DPP6: variants seen among roughly 807,000 people sequenced by gnomAD.
DPP6 encodes the protein dipeptidyl peptidase like 6.
A neutral mutation model predicts 122.6 loss-of-function variants in DPP6; 69 were observed. The observed-to-expected ratio is 0.56, with a 90% CI of 0.46 to 0.69. The LOEUF (loss-of-function observed/expected upper bound fraction) is 0.69, where lower values mean the gene tolerates loss of function less well. Ranked by LOEUF, DPP6 falls within the 30% of genes least tolerant of loss-of-function variation. The probability of loss-of-function intolerance (pLI) is 0.00; values close to 1 mark genes in which losing one functional copy is unlikely to be tolerated. For missense variants in DPP6, 928 were observed against 1,116.9 expected (o/e 0.83, Z 2.41); for synonymous variants, 418 against 433.1 (o/e 0.97, Z 0.43).
chr7:154,312,412 C>T (rs919826327), intron 1 of DPP6, among the ~76,000 whole-genome samples: 8 of 150,632 alleles, frequency 5.3e-5, no homozygotes, highest in South Asian at 2.1e-4. Context: ...AGTCTTGCTC[C>T]GCAAATTTTT....
chr7:154,337,467 A>G (rs1466313267), intron 1 of DPP6, among the ~76,000 whole-genome samples: 1 of 152,148 alleles, frequency 6.6e-6, no homozygotes, highest in Non-Finnish European at 1.5e-5. Flanking sequence ...AAAACGTCTA[A>G]AATCTCGAGT....
At chr7:154,017,727 TAAA>T (rs61261080) in intron 1 of DPP6, among the ~76,000 whole-genome samples, 12 of 109,458 alleles carry the variant, frequency 1.1e-4, no homozygotes, top group Admixed American at 5.2e-4. Context: ...AATAAAAAAA[TAAA>T]AAAAAAAAAA....
chr7:153,879,009 A>AT, the DPP6 span, among the ~76,000 whole-genome samples: 6 of 151,842 alleles, frequency 4.0e-5, no homozygotes, highest in Non-Finnish European at 8.8e-5. Flanking sequence ...AAAGAAAAAA[A>AT]ATGAAGCTGG....
chr7:154,151,773 A>G (rs560887861), intron 1 of DPP6, among the ~76,000 whole-genome samples: 191 of 151,532 alleles, frequency 1.3e-3, no homozygotes, highest in African/African-American at 4.4e-3. Flanking sequence ...CCCTCCTCCT[A>G]TTAACATCAT....
intron 3 of DPP6, among the ~76,000 whole-genome samples, chr7:154,510,861 T>C (rs1826012373): frequency 1.3e-5 from 2 of 151,966 alleles, no homozygotes; most frequent in Admixed American, 6.6e-5. Context: ...TGATAAAGCA[T>C]GTGCTTGCTC....
intron 1 of DPP6, among the ~76,000 whole-genome samples, chr7:154,356,702 A>G (rs532287787): frequency 6.6e-6 from 1 of 152,352 alleles, no homozygotes; most frequent in East Asian, 1.9e-4. Flanking sequence ...CAACTTTTAA[A>G]ACAAAATAAT....
At chr7:153,884,983 C>CAA (rs1399961557), upstream of DPP6, among the ~76,000 whole-genome samples, 1 of 63,426 alleles carries the variant, frequency 1.6e-5, no homozygotes. Flanking sequence ...CGTCTCAAAA[C>CAA]AAAAATATAT....
intron 1 of DPP6, among the ~76,000 whole-genome samples, chr7:154,340,273 A>T (rs1211534782): frequency 6.6e-6 from 1 of 152,232 alleles, no homozygotes; most frequent in Non-Finnish European, 1.5e-5. Context: ...CCTACTTTAC[A>T]ATCACGAATG....
chr7:154,520,085 A>G (rs1315478918), intron 3 of DPP6, among the ~76,000 whole-genome samples: 2 of 152,230 alleles, frequency 1.3e-5, no homozygotes, highest in South Asian at 2.1e-4. Flanking sequence ...AATTCTCCTG[A>G]TTCCAAAGCC....
intron 1 of DPP6, among the ~76,000 whole-genome samples, chr7:154,371,376 C>T (rs1424090867): frequency 2.9e-4 from 5 of 17,368 alleles, no homozygotes; most frequent in Admixed American, 1.1e-3. Context: ...GAAACTCTGT[C>T]TCAAAAAAAA....
chr7:153,905,488 T>C (rs1174294692), intron 1 of DPP6, among the ~76,000 whole-genome samples: 1 of 152,118 alleles, frequency 6.6e-6, no homozygotes, highest in Non-Finnish European at 1.5e-5. Flanking sequence ...ACAAGGTGTT[T>C]CGAAGCGAAT....
chr7:153,897,189 G>A (rs1337719321), intron 1 of DPP6, among the ~76,000 whole-genome samples: 1 of 152,200 alleles, frequency 6.6e-6, no homozygotes. Flanking sequence ...AGAGTATATA[G>A]TGGGGCTGGT....
At chr7:154,311,773 T>G (rs1806914708) in intron 1 of DPP6, among the ~76,000 whole-genome samples, 1 of 152,144 alleles carries the variant, frequency 6.6e-6, no homozygotes, top group South Asian at 2.1e-4. Flanking sequence ...GCCCTTAATC[T>G]CCACTGGTAC....
the DPP6 span, among the ~76,000 whole-genome samples, chr7:153,776,291 G>A: frequency 6.6e-6 from 1 of 152,128 alleles, no homozygotes; most frequent in African/African-American, 2.4e-5. Flanking sequence ...TGGTGGGAGG[G>A]ACCTCGTGGG....
At chr7:153,997,572 C>T (rs940541866) in intron 1 of DPP6, among the ~76,000 whole-genome samples, 2 of 133,254 alleles carry the variant, frequency 1.5e-5, no homozygotes, top group African/African-American at 5.7e-5. Context: ...TTTTTTTATT[C>T]TCTTTGAGTA....
chr7:154,458,086 C>G (rs1349254481), intron 2 of DPP6, among the ~76,000 whole-genome samples: 1 of 152,132 alleles, frequency 6.6e-6, no homozygotes, highest in South Asian at 2.1e-4. Flanking sequence ...CCCAGGAATA[C>G]TGGCAGCCCC....
intron 1 of DPP6, among the ~76,000 whole-genome samples, chr7:154,334,457 C>A (rs1809222181): frequency 6.6e-6 from 1 of 152,214 alleles, no homozygotes; most frequent in Non-Finnish European, 1.5e-5. Flanking sequence ...CAAGTCCACC[C>A]TCACTTCTGC....
At position 154,512,496 on chromosome 7, in the gene DPP6, A is replaced by G. The variant is rs190832453; in HGVS notation, c.458-28036A>G. On this transcript the variant is annotated intron_variant, in intron 3 of 25. Coordinates refer to ENST00000377770, the MANE Select transcript of DPP6 (RefSeq NM_130797.4). The stretch of plus-strand genomic sequence containing the variant: ...AGCCCTTTGCTCATGGGTGAAGAAA[A>G]GAGAATGGCAAGTTAAAAATAATGA... 2.0e-5 allele frequency among the ~76,000 whole-genome samples: 3 copies of G among 152,338 alleles called. No homozygotes were observed. In the East Asian group the frequency reaches 5.8e-4, roughly 29 times the overall value.
At chr7:154,425,597 G>GA (rs3056538) in intron 1 of DPP6, among the ~76,000 whole-genome samples, 5 of 105,476 alleles carry the variant, frequency 4.7e-5, no homozygotes, top group South Asian at 4.2e-4. Context: ...TTAGTTTGGG[G>GA]AAAAAAATGT....
Sources: gnomAD v4.1 joint callset for allele counts (sites outside exome capture counted in the v4.1 genomes callset) on GRCh38, gnomAD v4.1.1 for gene constraint, MANE v1.5 for transcripts, NCBI Gene and HGNC (gene_info 2026-07-23, HGNC 2026-07-21) for gene names.